The following GABRA3 variants were observed in gnomAD, a reference collection of about 807,000 sequenced individuals.
GABRA3 encodes the protein gamma-aminobutyric acid receptor subunit alpha-3.
A neutral mutation model predicts 30.1 loss-of-function variants in GABRA3; 10 were observed. That is an observed-to-expected ratio of 0.33 (90% CI 0.20 to 0.56). The LOEUF (loss-of-function observed/expected upper bound fraction) is 0.56, where lower values mean the gene tolerates loss of function less well. Ranked by LOEUF, GABRA3 falls within the 20% of genes least tolerant of loss-of-function variation. GABRA3 has a pLI of 0.89. For synonymous variants in GABRA3, 151 were observed against 146.8 expected, an observed-to-expected ratio of 1.03 and a Z score of -0.21; for missense variants, 233 against 392.0, an observed-to-expected ratio of 0.59 and a Z score of 3.42.
intron 2 of GABRA3, among the ~76,000 whole-genome samples, chrX:152,361,341 G>A (rs766376104): frequency 3.7e-5 from 4 of 109,384 alleles, no homozygotes; most frequent in African/African-American, 9.9e-5. Context: ...CTGGGAGGCT[G>A]AGGCGGGCGG....
At position 152,381,441 on chromosome X, in the gene GABRA3, T is replaced by A. The variant is rs151054244; in HGVS notation, c.-26-16845A>T. 1.1e-4 allele frequency among the ~76,000 whole-genome samples: 12 copies of A among 112,164 alleles called. No homozygotes were observed. In the East Asian group the frequency reaches 3.4e-3, roughly 31 times the overall value. On this transcript the variant is annotated intron_variant, in intron 1 of 9. Coordinates refer to ENST00000370314, the MANE Select transcript of GABRA3 (RefSeq NM_000808.4). Reference sequence around the variant, plus strand: ...GCTATTGAGTTGTGTGAGTTCCTTATGTATTTTGGATACTAACCTCTTATC... The same window carrying A: ...GCTATTGAGTTGTGTGAGTTCCTTAAGTATTTTGGATACTAACCTCTTATC...
intron 6 of GABRA3, among the ~76,000 whole-genome samples, chrX:152,221,237 ATCTTTCAC>A (rs1332507833): frequency 9.0e-6 from 1 of 111,611 alleles, no homozygotes; most frequent in East Asian, 2.8e-4. Flanking sequence ...GGATTGTTTT[ATCTTTCAC>A]TCTTTCACAT....
intron 5 of GABRA3, among the ~76,000 whole-genome samples, chrX:152,245,769 G>A (rs1938452249): frequency 9.0e-6 from 1 of 111,460 alleles, no homozygotes; most frequent in East Asian, 2.8e-4. Context: ...GTTCGTCTGT[G>A]CCCTACAAGT....
chrX:152,319,552 T>C (rs530096171), intron 3 of GABRA3, among the ~76,000 whole-genome samples: 1 of 111,753 alleles, frequency 8.9e-6, no homozygotes, highest in East Asian at 2.8e-4. Context: ...TCGGTCCTCA[T>C]CTCTCACCTT....
intron 4 of GABRA3, among the ~76,000 whole-genome samples, chrX:152,279,610 A>G (rs1247826826): frequency 9.0e-6 from 1 of 111,254 alleles, no homozygotes; most frequent in African/African-American, 3.3e-5. Context: ...TTTTGGTTCC[A>G]TATGAAATTT....
At chrX:152,231,225 A>C (rs1451059606) in intron 5 of GABRA3, among the ~76,000 whole-genome samples, 1 of 107,927 alleles carries the variant, frequency 9.3e-6, no homozygotes, top group Non-Finnish European at 1.9e-5. Context: ...ACATACACGT[A>C]TATATACACA....
intron 1 of GABRA3, among the ~76,000 whole-genome samples, chrX:152,383,234 A>G (rs1365493709): frequency 9.3e-6 from 1 of 107,343 alleles, no homozygotes; most frequent in Non-Finnish European, 1.9e-5. Context: ...AAAATACAAA[A>G]AAAAATTAGC....
At chrX:152,350,338 C>T (rs1253678379) in intron 2 of GABRA3, among the ~76,000 whole-genome samples, 1 of 95,767 alleles carries the variant, frequency 1.0e-5, no homozygotes, top group African/African-American at 3.9e-5. Context: ...GCACTAAATG[C>T]CCACAAGAGA....
intron 3 of GABRA3, among the ~76,000 whole-genome samples, chrX:152,327,025 G>GA (rs756781698): frequency 0.011 from 915 of 84,050 alleles, 13 homozygotes; most frequent in African/African-American, 0.035. Flanking sequence ...CAAGCAAATG[G>GA]AAAAAAAAAA....
intron 9 of GABRA3, among the ~76,000 whole-genome samples, chrX:152,186,616 T>A (rs1244817992): frequency 9.3e-6 from 1 of 106,968 alleles, no homozygotes; most frequent in Non-Finnish European, 1.9e-5. Flanking sequence ...TCTCTCTCTC[T>A]TCTCTCTCTC....
intron 1 of GABRA3, among the ~76,000 whole-genome samples, chrX:152,370,502 T>C (rs1265586912): frequency 1.8e-5 from 2 of 112,268 alleles, no homozygotes. Context: ...CAATTCTGGA[T>C]ATACCACATA....
rs752691039 is a variant in GABRA3 at position 152,197,799 on chromosome X, A to G, written c.779-14T>C. 8.4e-7 allele frequency: 1 copy of G among 1,183,868 alleles called. No homozygotes were observed. The highest frequency in any genetic ancestry group is 1.9e-5 in the South Asian group (1 of 53,652). On this transcript the variant is annotated splice_polypyrimidine_tract_variant and intron_variant, in intron 7 of 9. Coordinates refer to ENST00000370314, the MANE Select transcript of GABRA3 (RefSeq NM_000808.4). ...CGACATATTCTCCTAAAGAGAGAGTAAAATTAGGCAGTATGTAGCTACATA... is the reference window on the plus strand; with the variant it reads ...CGACATATTCTCCTAAAGAGAGAGTGAAATTAGGCAGTATGTAGCTACATA...
intron 2 of GABRA3, among the ~76,000 whole-genome samples, chrX:152,353,337 C>T (rs1329967803): frequency 1.8e-5 from 2 of 111,776 alleles, no homozygotes; most frequent in Non-Finnish European, 1.9e-5. Context: ...CATATGATTC[C>T]ATGTGACCAT....
chrX:152,237,106 T>C (rs1382154297), intron 5 of GABRA3, among the ~76,000 whole-genome samples: 11 of 111,168 alleles, frequency 9.9e-5, no homozygotes, highest in African/African-American at 3.6e-4. Context: ...CTAGGTTTTC[T>C]TCTAGGGTTT....
At chrX:152,329,232 G>T (rs1411021789) in intron 3 of GABRA3, among the ~76,000 whole-genome samples, 2 of 111,813 alleles carry the variant, frequency 1.8e-5, no homozygotes, top group Non-Finnish European at 3.8e-5. Context: ...CCATGCTCAT[G>T]GATAGGAAGA....
At chrX:152,370,025 T>C (rs754949508) in intron 1 of GABRA3, among the ~76,000 whole-genome samples, 5 of 111,395 alleles carry the variant, frequency 4.5e-5, no homozygotes, top group Admixed American at 9.6e-5. Flanking sequence ...ATGACCTACT[T>C]CTTCAATAAA....
chrX:152,330,713 G>A (rs4330835), intron 3 of GABRA3, among the ~76,000 whole-genome samples: 2 of 95,298 alleles, frequency 2.1e-5, no homozygotes, highest in East Asian at 7.7e-4. Flanking sequence ...GTGCAGGGAG[G>A]GGGGAGGGGT....
intron 1 of GABRA3, among the ~76,000 whole-genome samples, chrX:152,380,227 G>A (rs969290388): frequency 9.0e-6 from 1 of 110,841 alleles, no homozygotes; most frequent in African/African-American, 3.3e-5. Flanking sequence ...CTGAAACATC[G>A]TACCCTTTGA....
chrX:152,198,253 G>C (rs993760633), intron 7 of GABRA3, among the ~76,000 whole-genome samples: 1 of 111,787 alleles, frequency 8.9e-6, no homozygotes, highest in Non-Finnish European at 1.9e-5. Context: ...AATTAGTAAA[G>C]CCCAAAGTCA....
Sources: allele counts gnomAD v4.1 joint callset (sites outside exome capture counted in the v4.1 genomes callset), GRCh38; gene constraint gnomAD v4.1.1; transcripts MANE v1.5; gene names NCBI Gene and HGNC (gene_info 2026-07-23, HGNC 2026-07-21).